The following MED23 variants were observed in gnomAD, a reference collection of about 807,000 sequenced individuals.
MED23 encodes the protein mediator complex subunit 23.
Under a neutral mutation model 163.9 loss-of-function variants are expected in MED23, and 105 were observed. That is an observed-to-expected ratio of 0.64 (90% CI 0.55 to 0.75). The LOEUF (loss-of-function observed/expected upper bound fraction) is 0.75. Ranked by LOEUF, MED23 falls within the 30% of genes least tolerant of loss-of-function variation. The probability of loss-of-function intolerance (pLI) is 0.00; values close to 1 mark genes in which losing one functional copy is unlikely to be tolerated. For missense variants in MED23, 1,054 were observed against 1,649.0 expected (o/e 0.64, Z 6.25); for synonymous variants, 561 against 565.6 (o/e 0.99, Z 0.12).
In MED23 at chr6:131,596,812, T is replaced by C. The variant is rs1345277924; in HGVS notation, c.2608-124A>G. On this transcript the variant is annotated intron_variant, in intron 20 of 28. Transcript: ENST00000368068. Reference sequence around the variant, plus strand: ...TATTATAATTTCCTTAGACGTCTAGTCTATCCCAAACCAACTGTTCAGTAT... The same window carrying C: ...TATTATAATTTCCTTAGACGTCTAGCCTATCCCAAACCAACTGTTCAGTAT... 3.2e-6 allele frequency: 3 copies of C among 924,412 alleles called. No homozygotes were observed. In the East Asian group the frequency reaches 7.9e-5, roughly 24 times the overall value. 57.3% of individuals were successfully genotyped at this position (924,412 alleles called of 1,614,324 possible).
At position 131,604,185 on chromosome 6, in the gene MED23, T is replaced by G; in HGVS notation, c.1749A>C (p.Gly583=). 6.2e-7 allele frequency: 1 copy of G among 1,613,166 alleles called. No individual in the cohort carries two copies. Among genetic ancestry groups the G allele is most frequent in the Non-Finnish European group, 8.5e-7 (1 of 1,179,338 alleles). ...YMEIESLGIK[G]FISQLLPTVF... ...CAGAAAGTCCTGTCTTACTGATAAA[T>G]CCTTTGATGCCCAAAGACTCTATTT... Residue 583 remains glycine, a synonymous_variant, in exon 15 of 29, where the codon GGA becomes GGC. Coordinates refer to ENST00000368068, the MANE Select transcript of MED23 (RefSeq NM_004830.4).
chr6:131,582,265 C>T (rs1395392061), downstream of MED23, among the ~76,000 whole-genome samples: 1 of 152,104 alleles, frequency 6.6e-6, no homozygotes, highest in East Asian at 1.9e-4. Context: ...CACAAATTTC[C>T]CTCAGCTGCT....
intron 30 of MED23, chr6:131,579,053 C>A: frequency 6.3e-7 from 1 of 1,581,264 alleles, no homozygotes; most frequent in Non-Finnish European, 8.7e-7. Context: ...GATCATCCTA[C>A]ACAGACTGAT....
chr6:131,620,416 G>C (rs544314235), intron 7 of MED23, among the ~76,000 whole-genome samples: 1 of 152,220 alleles, frequency 6.6e-6, no homozygotes, highest in African/African-American at 2.4e-5. Context: ...CTCCTGAGTA[G>C]CTGGGGCTAT....
In MED23 at chr6:131,602,927, T is replaced by C. The variant is rs749023796; in HGVS notation, c.1931+103A>G. 633 of 1,228,368 alleles carry C rather than the reference T, an allele frequency of 5.2e-4. 2 individuals are homozygous for C. The highest frequency in any genetic ancestry group is 6.7e-4 in the Non-Finnish European group (580 of 871,884). 76.1% of individuals were successfully genotyped at this position (1,228,368 alleles called of 1,614,324 possible). ...GAGAAGTTTTATGACAGATGAATAA[T>C]AATAAAAAAAAAAACTATAAGGTAA... On this transcript the variant is annotated intron_variant, in intron 16 of 28. Coordinates refer to ENST00000368068, the MANE Select transcript of MED23 (RefSeq NM_004830.4).
intron 3 of MED23, chr6:131,626,818 C>T (rs1270866911): frequency 6.5e-6 from 1 of 153,132 alleles, no homozygotes; most frequent in Non-Finnish European, 1.5e-5. Flanking sequence ...CATTTCCCTA[C>T]CTATAGTGTA....
At chr6:131,615,290 T>C (rs1236495873) in intron 10 of MED23, 6 of 1,607,384 alleles carry the variant, frequency 3.7e-6, no homozygotes, top group Non-Finnish European at 4.3e-6. Context: ...AGCGTATCGT[T>C]AGTCACAATA....
chr6:131,621,841 T>C lies in MED23; in HGVS notation c.495+40A>G, dbSNP rs532699721. ...CAGACCTAAACAAAGCTAGACTTTT[T>C]TGAGGTTATGATCACGAATTTCAGA... On this transcript the variant is annotated intron_variant, in intron 6 of 28. Transcript: ENST00000368068. 33 of 1,409,596 alleles carry C rather than the reference T, an allele frequency of 2.3e-5. 1 individual carries two copies. The South Asian group carries it at 4.0e-4, about 17-fold the overall frequency. The allele number at this position is 1,409,596 out of a possible 1,614,324, so 87.3% of individuals were successfully genotyped here.
chr6:131,619,737 A>T, intron 8 of MED23, 90 bp downstream of exon 8: 1 of 968,940 alleles, frequency 1.0e-6, no homozygotes, highest in Non-Finnish European at 1.6e-6. Flanking sequence ...CCACCAAGGC[A>T]CATATTAAGA....
At chr6:131,588,626 T>G (rs1774349472) in intron 28 of MED23, among the ~76,000 whole-genome samples, 1 of 152,202 alleles carries the variant, frequency 6.6e-6, no homozygotes, top group Non-Finnish European at 1.5e-5. Context: ...TCTTTGACAC[T>G]GCTGCTGAGA....
intron 20 of MED23, among the ~76,000 whole-genome samples, chr6:131,597,990 G>A (rs1354192688): frequency 6.6e-6 from 1 of 152,126 alleles, no homozygotes; most frequent in Non-Finnish European, 1.5e-5. Flanking sequence ...AGCTACTCAG[G>A]AGGCTGAGGC....
intron 8 of MED23, 74 bp downstream of exon 8, chr6:131,619,753 T>C (rs2114750703): frequency 8.9e-7 from 1 of 1,121,576 alleles, no homozygotes; most frequent in Non-Finnish European, 1.4e-6. Context: ...TAAGAGAACA[T>C]CCCTCAGCTT....
chr6:131,576,487 A>G (rs943774985), intron 30 of MED23: 50 of 633,374 alleles, frequency 7.9e-5, no homozygotes, highest in Middle Eastern at 7.7e-4. Context: ...TTGGCATAAA[A>G]GTCATTCAGT....
chr6:131,593,671 CTAAAATATACCTTTTCAA>C (rs1162554007), intron 23 of MED23, among the ~76,000 whole-genome samples: 1 of 152,014 alleles, frequency 6.6e-6, no homozygotes, highest in Non-Finnish European at 1.5e-5. Flanking sequence ...TATATTTTCA[CTAAAATATACCTTTTCAA>C]TAAAGAAAAA....
intron 10 of MED23, among the ~76,000 whole-genome samples, chr6:131,612,132 A>G (rs1477536348): frequency 6.6e-6 from 1 of 152,122 alleles, no homozygotes; most frequent in Non-Finnish European, 1.5e-5. Context: ...TATCTACAGT[A>G]CCTAATGCTC....
chr6:131,576,163 G>C (rs1001906565), intron 30 of MED23, among the ~76,000 whole-genome samples: 1 of 152,144 alleles, frequency 6.6e-6, no homozygotes, highest in Admixed American at 6.5e-5. Context: ...AGTGTTAAGG[G>C]CATCCTGTTT....
intron 25 of MED23, 36 bp from the exon 26 acceptor site, chr6:131,591,563 C>G: frequency 2.7e-6 from 4 of 1,464,222 alleles, no homozygotes; most frequent in Non-Finnish European, 3.8e-6. Context: ...AAAAATATCA[C>G]TTATCCAGCA....
Position 131,610,053 on chromosome 6 carries a change from T to A in MED23, c.1070A>T (p.His357Leu). The change falls in exon 11 of 29, where the codon CAT becomes CTT. Residue 357 changes from histidine (H) to leucine (L), a missense_variant. His to Leu is a moderately conservative substitution (Grantham distance 99, BLOSUM62 -3). Around this residue, in one of 11 missense-constraint regions of MED23, gnomAD observed 61 missense variants for 154.2 expected, o/e 0.40. Coordinates refer to ENST00000368068, the MANE Select transcript of MED23 (RefSeq NM_004830.4). The part of the protein sequence containing the change: ...ASFPHMVLSL[H>L]QKLAGRGLIK... ...ATAAGATTTAGTACATACCTTCTGA[T>A]GAAGAGAAAGCACCATATGTGGAAA... is the stretch of plus-strand genomic sequence containing the variant. The A allele has an allele frequency of 6.2e-7, 1 of 1,613,608 alleles. No individual in the cohort carries two copies. Among genetic ancestry groups the A allele is most frequent in the East Asian group, 2.2e-5 (1 of 44,868 alleles).
Position 131,610,207 on chromosome 6 carries a change from C to T in MED23, c.916G>A (p.Asp306Asn). The change falls in exon 11 of 29, where the codon GAT becomes AAT. Residue 306 changes from aspartate (D) to asparagine (N), a missense_variant. Physicochemically the swap from Asp to Asn is conservative, Grantham distance 23. This residue lies in a region of MED23 where 26 missense variants were observed against 28.4 expected (regional missense o/e 0.92). Transcript: ENST00000368068. ...CGCTCCATGGCATAAACAACCAGAT[C>T]CACCAACTGGTCCTCCAGCACAGGG... is the stretch of plus-strand genomic sequence containing the variant. ...RCPVLEDQLVDLVVYAMERSE... is the reference protein window; with the variant it reads ...RCPVLEDQLVNLVVYAMERSE... 1.9e-6 allele frequency: 3 copies of T among 1,614,024 alleles called. No individual in the cohort carries two copies. The highest frequency in any genetic ancestry group is 1.1e-5 in the South Asian group (1 of 91,084).
Sources: gnomAD v4.1 joint callset for allele counts (sites outside exome capture counted in the v4.1 genomes callset) on GRCh38, gnomAD v4.1.1 for gene constraint, gnomAD v4.1.1 regional missense constraint, MANE v1.5 for transcripts, NCBI Gene and HGNC (gene_info 2026-07-23, HGNC 2026-07-21) for gene names.